PTPRN2: variants seen among roughly 807,000 people sequenced by gnomAD.
PTPRN2 encodes the protein protein tyrosine phosphatase receptor type N2.
PTPRN2 carries 74 observed loss-of-function variants against 118.8 expected under a neutral mutation model. The ratio of observed to expected loss-of-function variants is 0.62; its 90% CI spans 0.52 to 0.76. The LOEUF (loss-of-function observed/expected upper bound fraction) is 0.76, where lower values mean the gene tolerates loss of function less well. Among genes scored for constraint, PTPRN2 ranks in the 30% least tolerant of loss-of-function variants. The pLI is 0.00. For missense variants in PTPRN2, 1,481 were observed against 1,394.4 expected (o/e 1.06, Z -0.99); for synonymous variants, 641 against 608.0 (o/e 1.05, Z -0.80).
At chr7:158,194,146 T>A (rs1826018374) in intron 4 of PTPRN2, among the ~76,000 whole-genome samples, 1 of 149,034 alleles carries the variant, frequency 6.7e-6, no homozygotes, top group Admixed American at 6.6e-5. Context: ...TTTGTGTAAG[T>A]GTGTGTGTGA....
At chr7:157,723,145 G>A (rs2150919509) in intron 12 of PTPRN2, among the ~76,000 whole-genome samples, 1 of 152,350 alleles carries the variant, frequency 6.6e-6, no homozygotes, top group African/African-American at 2.4e-5. Context: ...ACACAGTCAA[G>A]CTGAGAAAGC....
intron 12 of PTPRN2, among the ~76,000 whole-genome samples, chr7:157,882,897 ATTG>A (rs1796227785): frequency 6.7e-6 from 1 of 149,834 alleles, no homozygotes; most frequent in Admixed American, 6.6e-5. Flanking sequence ...CCCAAAAATG[ATTG>A]TTGGAGATCA....
intron 2 of PTPRN2, among the ~76,000 whole-genome samples, chr7:158,333,841 A>C (rs1456261726): frequency 1.6e-5 from 2 of 126,764 alleles, no homozygotes; most frequent in African/African-American, 3.0e-5. Context: ...CACTCTCACC[A>C]TAGAGCTGAC....
chr7:157,549,757 C>T (rs996965612), intron 21 of PTPRN2, among the ~76,000 whole-genome samples: 1 of 152,206 alleles, frequency 6.6e-6, no homozygotes, highest in African/African-American at 2.4e-5. Context: ...ACCTCTCCAG[C>T]GTGTTGCAGT....
chr7:157,969,334 T>G (rs1802159405), intron 11 of PTPRN2, among the ~76,000 whole-genome samples: 1 of 152,146 alleles, frequency 6.6e-6, no homozygotes, highest in Non-Finnish European at 1.5e-5. Flanking sequence ...GGTCTCAAAC[T>G]CCTAAGCTCA....
chr7:157,742,492 T>TA (rs2150964521), intron 12 of PTPRN2, among the ~76,000 whole-genome samples: 1 of 152,252 alleles, frequency 6.6e-6, no homozygotes, highest in East Asian at 1.9e-4. Flanking sequence ...CTGTTTTTTT[T>TA]TTTTTTTCCA....
At chr7:157,653,201 C>A (rs1805787654) in intron 14 of PTPRN2, among the ~76,000 whole-genome samples, 1 of 152,242 alleles carries the variant, frequency 6.6e-6, no homozygotes, top group Non-Finnish European at 1.5e-5. Context: ...CTGTTTATTT[C>A]ATCGGATCGT....
intron 12 of PTPRN2, among the ~76,000 whole-genome samples, chr7:157,737,750 C>T (rs1042317080): frequency 2.6e-5 from 4 of 152,240 alleles, no homozygotes; most frequent in African/African-American, 9.6e-5. Context: ...ATCGTGGGTG[C>T]CGGCTGGGGC....
At chr7:157,581,639 T>A (rs1259128051) in intron 17 of PTPRN2, among the ~76,000 whole-genome samples, 7 of 152,256 alleles carry the variant, frequency 4.6e-5, no homozygotes, top group African/African-American at 7.2e-5. Flanking sequence ...GAACAAGAAG[T>A]GCAGACTTCG....
intron 3 of PTPRN2, among the ~76,000 whole-genome samples, chr7:158,298,682 A>G (rs575215766): frequency 2.1e-3 from 314 of 152,332 alleles, no homozygotes; most frequent in African/African-American, 3.5e-3. Flanking sequence ...AGGAGGGCGC[A>G]AGGGCCCAGC....
chr7:158,418,247 A>G lies in PTPRN2; in HGVS notation c.163+71488T>C, dbSNP rs548947820. ...GAGATGCTCTAGCTCTCAGTGTCCC[A>G]CTGTGTTGTCATGGTGTACTACATC... On this transcript the variant is annotated intron_variant, in intron 2 of 22. Transcript: ENST00000389418. Among the ~76,000 whole-genome samples the G allele has an allele frequency of 1.5e-3, 184 of 123,190 alleles. 1 individual carries two copies. The highest frequency in any genetic ancestry group is 5.1e-3 in the African/African-American group (162 of 31,616). The allele number at this position is 123,190 out of a possible 152,430, so 80.8% of individuals were successfully genotyped here. A position where few individuals can be genotyped will look rare whatever the true frequency, so the allele number is the denominator to read the frequency against.
At chr7:157,982,113 A>C in intron 11 of PTPRN2, among the ~76,000 whole-genome samples, 1 of 128,788 alleles carries the variant, frequency 7.8e-6, no homozygotes, top group South Asian at 2.7e-4. Context: ...TCACAGAGAC[A>C]AGGAGGGGAA....
At chr7:158,580,782 C>G (rs374735694) in intron 1 of PTPRN2, among the ~76,000 whole-genome samples, 12 of 152,286 alleles carry the variant, frequency 7.9e-5, no homozygotes, top group African/African-American at 2.4e-4. Flanking sequence ...GACGGAAGCC[C>G]AGAAAGCATT....
intron 2 of PTPRN2, among the ~76,000 whole-genome samples, chr7:158,330,057 C>G (rs547693876): frequency 6.8e-6 from 1 of 146,848 alleles, no homozygotes; most frequent in Non-Finnish European, 1.5e-5. Flanking sequence ...TCACTCACAC[C>G]CACACTCTCA....
rs1799796508 is a variant in PTPRN2, at chr7:157,729,870, G to T, written c.1789-46933C>A. Among the ~76,000 whole-genome samples, 1 of 152,188 alleles carries T rather than the reference G, an allele frequency of 6.6e-6. No homozygotes were observed. The highest frequency in any genetic ancestry group is 2.1e-4 in the South Asian group (1 of 4,822). On this transcript the variant is annotated intron_variant, in intron 12 of 22. Transcript: ENST00000389418. This position sits in a 1 kb window ranked among gnomAD's most constrained non-coding sequence, Gnocchi z 4.3. ...GGACCGTCCATTTGACTGGGCCACA[G>T]GTGTTTAGATTAAACCTGATCCACG... is the stretch of plus-strand genomic sequence containing the variant.
chr7:158,421,188 C>T (rs1378843503), intron 2 of PTPRN2, among the ~76,000 whole-genome samples: 1 of 152,114 alleles, frequency 6.6e-6, no homozygotes, highest in Non-Finnish European at 1.5e-5. Context: ...CTGGTGGTCC[C>T]CTGGTGCACC....
At chr7:158,357,253 G>A (rs1379443170) in intron 2 of PTPRN2, among the ~76,000 whole-genome samples, 1 of 152,378 alleles carries the variant, frequency 6.6e-6, no homozygotes, top group East Asian at 1.9e-4. Flanking sequence ...GGCAGTGGGT[G>A]CCCGGCTTGC....
At chr7:158,011,430 T>G (rs1213222040) in intron 11 of PTPRN2, among the ~76,000 whole-genome samples, 1 of 152,200 alleles carries the variant, frequency 6.6e-6, no homozygotes, top group Non-Finnish European at 1.5e-5. Context: ...TTTGATTTCA[T>G]TCCAGTTTGA....
At chr7:158,111,489 T>G (rs78329123) in intron 9 of PTPRN2, among the ~76,000 whole-genome samples, 344 of 152,336 alleles carry the variant, frequency 2.3e-3, no homozygotes, top group African/African-American at 7.5e-3. Flanking sequence ...ACCAGGGTGG[T>G]TTGCAGCTTG....
Sources: allele counts gnomAD v4.1 joint callset (sites outside exome capture counted in the v4.1 genomes callset), GRCh38; gene constraint gnomAD v4.1.1; non-coding constraint Gnocchi (gnomAD v3.1); transcripts MANE v1.5; gene names NCBI Gene and HGNC (gene_info 2026-07-23, HGNC 2026-07-21).